The following NUP153 variants were observed in gnomAD, a reference collection of about 807,000 sequenced individuals.
NUP153 encodes nucleoporin 153.
Under a neutral mutation model 134.6 loss-of-function variants are expected in NUP153, and 27 were observed. The ratio of observed to expected loss-of-function variants is 0.20; its 90% confidence interval spans 0.15 to 0.28. The LOEUF is 0.28. Among genes scored for constraint, NUP153 ranks in the 10% least tolerant of loss-of-function variants. NUP153 has a pLI of 1.00. For missense variants in NUP153, 1,821 were observed against 1,731.3 expected (o/e 1.05, Z -0.92); for synonymous variants, 640 against 623.5 (o/e 1.03, Z -0.40).
At chr6:17,663,654 A>C (rs903229649) in intron 9 of NUP153, among the ~76,000 whole-genome samples, 2 of 152,232 alleles carry the variant, frequency 1.3e-5, no homozygotes, top group Non-Finnish European at 2.9e-5. Flanking sequence ...TGACTGGTGA[A>C]TCAACATAAA....
intron 1 of NUP153, among the ~76,000 whole-genome samples, chr6:17,702,937 C>T (rs1266999163): frequency 1.3e-5 from 2 of 151,868 alleles, no homozygotes; most frequent in South Asian, 2.1e-4. Context: ...CGGTGGCTCA[C>T]GCCTGTAATA....
intron 15 of NUP153, among the ~76,000 whole-genome samples, chr6:17,639,630 T>G (rs956372679): frequency 6.6e-6 from 1 of 152,200 alleles, no homozygotes; most frequent in East Asian, 1.9e-4. Context: ...AGTGCTCTCA[T>G]AAGAGAAAGA....
intron 15 of NUP153, 46 bp from the exon 16 acceptor site, chr6:17,637,816 A>T: frequency 1.3e-6 from 2 of 1,532,124 alleles, no homozygotes. Context: ...AAGCTTTATA[A>T]ATCAAAGCAT....
In NUP153 at chr6:17,637,338, A is replaced by C; in HGVS notation, c.2279T>G (p.Leu760Trp). 1 of 1,614,206 alleles carries C rather than the reference A, an allele frequency of 6.2e-7. No individual in the cohort carries two copies. The highest frequency in any genetic ancestry group is 8.5e-7 in the Non-Finnish European group (1 of 1,180,040). Residue 760 changes from leucine to tryptophan, a missense_variant, in exon 16 of 22, where the codon TTG becomes TGG. Coordinates refer to ENST00000262077, the MANE Select transcript of NUP153 (RefSeq NM_005124.4). ...PGTCVKRALT[L>W]TVVSESAETM... is the part of the protein sequence containing the mutation. ...CTCAGCACTTTCCGAAACCACTGTC[A>C]ATGTAAGGGCTCGCTTCACACAAGT...
chr6:17,615,991 C>A lies in NUP153; in HGVS notation c.*106G>T. The A allele has an allele frequency of 1.3e-6, 1 of 796,646 alleles. No individual in the cohort carries two copies. The highest frequency in any genetic ancestry group is 2.6e-5 in the East Asian group (1 of 38,336). The allele number at this position is 796,646 out of a possible 1,614,324, so 49.3% of individuals were successfully genotyped here. On this transcript the variant is annotated 3_prime_UTR_variant, in exon 22 of 22. Coordinates refer to ENST00000262077, the MANE Select transcript of NUP153 (RefSeq NM_005124.4). This position sits in a 1 kb window ranked among gnomAD's most constrained non-coding sequence, Gnocchi z 5.7. ...AGGAAAATTCCAAAATTAAAGAAGTCCTTAGGCAGATCTGACTTCAGATAA... is the reference window on the plus strand; with the variant it reads ...AGGAAAATTCCAAAATTAAAGAAGTACTTAGGCAGATCTGACTTCAGATAA...
At chr6:17,630,638 G>A (rs372837545) in intron 17 of NUP153, among the ~76,000 whole-genome samples, 7 of 151,530 alleles carry the variant, frequency 4.6e-5, no homozygotes, top group African/African-American at 7.3e-5. Context: ...ACTCCAGCCC[G>A]GTCAACAGTG....
At chr6:17,635,911 T>C (rs945638180) in intron 16 of NUP153, among the ~76,000 whole-genome samples, 1 of 152,248 alleles carries the variant, frequency 6.6e-6, no homozygotes, top group African/African-American at 2.4e-5. Flanking sequence ...GTGTAACAAA[T>C]TACTTCCTGA....
intron 20 of NUP153, among the ~76,000 whole-genome samples, chr6:17,623,701 C>A (rs1379934303): frequency 6.6e-6 from 1 of 152,136 alleles, no homozygotes; most frequent in East Asian, 1.9e-4. Flanking sequence ...TGACAATAAA[C>A]AAACTATATG....
intron 11 of NUP153, among the ~76,000 whole-genome samples, chr6:17,657,406 A>AT (rs1278513468): frequency 3.3e-5 from 5 of 151,508 alleles, no homozygotes; most frequent in Admixed American, 1.3e-4. Flanking sequence ...AAAAATAAAA[A>AT]AAAAAAAAAT....
At chr6:17,673,955 A>G (rs1276331017) in intron 5 of NUP153, among the ~76,000 whole-genome samples, 2 of 152,216 alleles carry the variant, frequency 1.3e-5, no homozygotes, top group Non-Finnish European at 2.9e-5. Flanking sequence ...GTGTCTTTTC[A>G]CTGGTGAATA....
intron 2 of NUP153, among the ~76,000 whole-genome samples, chr6:17,686,824 G>T (rs908631254): frequency 1.4e-5 from 2 of 141,516 alleles, no homozygotes; most frequent in African/African-American, 2.6e-5. Context: ...CGTGCGAATA[G>T]AGTATAAACA....
chr6:17,653,814 A>G (rs909566267), intron 11 of NUP153, among the ~76,000 whole-genome samples: 15 of 152,238 alleles, frequency 9.9e-5, no homozygotes, highest in African/African-American at 3.6e-4. Context: ...TAGGGCTTGC[A>G]TTACACAGAT....
intron 2 of NUP153, among the ~76,000 whole-genome samples, chr6:17,687,203 C>T (rs1768983739): frequency 6.6e-6 from 1 of 152,156 alleles, no homozygotes; most frequent in South Asian, 2.1e-4. Context: ...CAAATATGCT[C>T]ATTAGGATAG....
Position 17,637,676 on chromosome 6 carries a change from A to G in NUP153, c.1941T>C (p.Ser647=). 6.2e-7 allele frequency: 1 copy of G among 1,613,040 alleles called. No homozygotes were observed. The highest frequency in any genetic ancestry group is 8.5e-7 in the Non-Finnish European group (1 of 1,180,020). ...AACTCTCCCCAAACCCAATTCCACT[A>G]GAAGAAAAGCTACTTATTGCTGGTC... The part of the protein sequence containing the change: ...YTRPAISSFS[S]SGIGFGESLK... Residue 647 remains serine, a synonymous_variant, in exon 16 of 22, where the codon TCT becomes TCC. Coordinates refer to ENST00000262077, the MANE Select transcript of NUP153 (RefSeq NM_005124.4).
At chr6:17,621,288 A>G (rs1764631397) in intron 20 of NUP153, among the ~76,000 whole-genome samples, 2 of 152,224 alleles carry the variant, frequency 1.3e-5, no homozygotes, top group Non-Finnish European at 2.9e-5. Context: ...TATGGAAAAC[A>G]GTAAGGAAGT....
At chr6:17,660,567 C>T (rs1767116148) in intron 11 of NUP153, among the ~76,000 whole-genome samples, 2 of 151,474 alleles carry the variant, frequency 1.3e-5, no homozygotes, top group African/African-American at 4.8e-5. Context: ...CATATACATA[C>T]ATATTTCTTA....
chr6:17,661,456 T>C (rs1767173892), intron 11 of NUP153, among the ~76,000 whole-genome samples, 197 bp downstream of exon 11: 1 of 152,246 alleles, frequency 6.6e-6, no homozygotes, highest in Admixed American at 6.5e-5. Flanking sequence ...ATGGGTAGTT[T>C]TGTTTTGTTC....
At chr6:17,702,972 G>A (rs62395984) in intron 1 of NUP153, among the ~76,000 whole-genome samples, 3 of 151,886 alleles carry the variant, frequency 2.0e-5, no homozygotes, top group Admixed American at 1.3e-4. Context: ...AGGCTGTGGC[G>A]GGTGGATCAC....
chr6:17,670,188 C>T (rs1002640491), intron 5 of NUP153, among the ~76,000 whole-genome samples: 1 of 151,246 alleles, frequency 6.6e-6, no homozygotes, highest in Non-Finnish European at 1.5e-5. Context: ...TTAACCCCTT[C>T]GGTAATAACA....
Sources: allele counts gnomAD v4.1 joint callset (sites outside exome capture counted in the v4.1 genomes callset), GRCh38; gene constraint gnomAD v4.1.1; non-coding constraint Gnocchi (gnomAD v3.1); transcripts MANE v1.5; gene names NCBI Gene and HGNC (gene_info 2026-07-23, HGNC 2026-07-21).